Variants in ADAMTS12 observed in about 807,000 individuals in gnomAD.
ADAMTS12 encodes ADAM metallopeptidase with thrombospondin type 1 motif 12.
ADAMTS12 carries 118 observed loss-of-function variants against 167.8 expected under a neutral mutation model. The ratio of observed to expected loss-of-function variants is 0.70; its 90% CI spans 0.61 to 0.82. The LOEUF is 0.82. Among genes scored for constraint, ADAMTS12 ranks in the 40% least tolerant of loss-of-function variants. The probability of loss-of-function intolerance (pLI) is 0.00; values close to 1 mark genes in which losing one functional copy is unlikely to be tolerated. For synonymous variants in ADAMTS12, 704 were observed against 716.9 expected (o/e 0.98, Z 0.29); for missense variants, 1,916 against 1,998.8 (o/e 0.96, Z 0.79).
intron 2 of ADAMTS12, among the ~76,000 whole-genome samples, chr5:33,880,707 T>G (rs543871594): frequency 6.6e-6 from 1 of 152,368 alleles, no homozygotes; most frequent in African/African-American, 2.4e-5. Flanking sequence ...AACTATTATA[T>G]CACAGCAGCT....
intron 2 of ADAMTS12, among the ~76,000 whole-genome samples, chr5:33,821,313 T>C (rs561016437): frequency 6.6e-5 from 10 of 152,204 alleles, no homozygotes; most frequent in Non-Finnish European, 1.5e-4. Flanking sequence ...TCAAATAATC[T>C]TCCCAAGTAC....
chr5:33,533,774 C>G (rs1411289084), intron 23 of ADAMTS12, among the ~76,000 whole-genome samples: 2 of 152,086 alleles, frequency 1.3e-5, no homozygotes. Flanking sequence ...TCACAGGACA[C>G]CCTTAACTAG....
intron 12 of ADAMTS12, among the ~76,000 whole-genome samples, chr5:33,636,428 G>A (rs1344015052): frequency 6.6e-6 from 1 of 152,082 alleles, no homozygotes; most frequent in Admixed American, 6.6e-5. Flanking sequence ...CCTGACTCAG[G>A]AAACTAAATT....
At chr5:33,888,122 T>C (rs1750703593) in intron 1 of ADAMTS12, 1 of 152,232 alleles carries the variant, frequency 6.6e-6, no homozygotes, top group Non-Finnish European at 1.5e-5. Context: ...ATCTTCTCTG[T>C]ATCGGTCCAA....
At chr5:33,678,416 G>A (rs1423366957) in intron 5 of ADAMTS12, among the ~76,000 whole-genome samples, 6 of 152,168 alleles carry the variant, frequency 3.9e-5, no homozygotes, top group East Asian at 1.9e-4. Flanking sequence ...AAACGGTATC[G>A]ATTAAATAGA....
intron 19 of ADAMTS12, among the ~76,000 whole-genome samples, chr5:33,566,148 A>G (rs1281879941): frequency 6.6e-6 from 1 of 152,176 alleles, no homozygotes; most frequent in African/African-American, 2.4e-5. Flanking sequence ...TGAATAGTCA[A>G]TGACAGTCAG....
chr5:33,849,366 A>AATATATATATATGTATTGCACAGCAAT (rs199640412), intron 2 of ADAMTS12, among the ~76,000 whole-genome samples: 1 of 115,728 alleles, frequency 8.6e-6, no homozygotes, highest in African/African-American at 5.1e-5. Flanking sequence ...ATTGAATAGC[A>AATATATATATATGTATTGCACAGCAAT]ATATATATAT....
At chr5:33,858,287 A>T (rs1173431880) in intron 2 of ADAMTS12, among the ~76,000 whole-genome samples, 1 of 152,242 alleles carries the variant, frequency 6.6e-6, no homozygotes, top group African/African-American at 2.4e-5. Flanking sequence ...TGAAATCAAA[A>T]TGTAACATAT....
At chr5:33,585,043 ATCC>A (rs1747269834) in intron 18 of ADAMTS12, among the ~76,000 whole-genome samples, 2 of 43,862 alleles carry the variant, frequency 4.6e-5, no homozygotes, top group Non-Finnish European at 1.1e-4. Context: ...CCATGTATCC[ATCC>A]ATCCATCCAT....
intron 5 of ADAMTS12, among the ~76,000 whole-genome samples, chr5:33,665,138 T>A (rs1198788768): frequency 6.6e-6 from 1 of 152,116 alleles, no homozygotes; most frequent in Non-Finnish European, 1.5e-5. Flanking sequence ...TTTGAAGACA[T>A]AAGTGAAATA....
intron 2 of ADAMTS12, among the ~76,000 whole-genome samples, chr5:33,779,826 T>C (rs1746054853): frequency 1.3e-5 from 2 of 152,122 alleles, no homozygotes; most frequent in Non-Finnish European, 2.9e-5. Flanking sequence ...ATGAGGGCCA[T>C]GAAGAGATGT....
At chr5:33,579,040 G>A (rs1036216546) in intron 18 of ADAMTS12, among the ~76,000 whole-genome samples, 1 of 152,198 alleles carries the variant, frequency 6.6e-6, no homozygotes, top group African/African-American at 2.4e-5. Context: ...CAACAGGGAG[G>A]AAACAGTCTC....
At chr5:33,889,013 G>A (rs1750747921) in intron 1 of ADAMTS12, among the ~76,000 whole-genome samples, 1 of 152,164 alleles carries the variant, frequency 6.6e-6, no homozygotes, top group Non-Finnish European at 1.5e-5. Context: ...AACCTAAAAG[G>A]TAATGTAGTG....
intron 2 of ADAMTS12, among the ~76,000 whole-genome samples, chr5:33,780,431 A>G (rs756555925): frequency 6.6e-6 from 1 of 152,202 alleles, no homozygotes; most frequent in Non-Finnish European, 1.5e-5. Context: ...TGATATTTTT[A>G]CAAAGAAACA....
At chr5:33,583,238 T>C (rs1003996134) in intron 18 of ADAMTS12, among the ~76,000 whole-genome samples, 6 of 152,218 alleles carry the variant, frequency 3.9e-5, no homozygotes, top group African/African-American at 1.4e-4. Context: ...AGTTAGAACA[T>C]GCAATGTTTC....
At chr5:33,656,846 C>T (rs952364181) in intron 7 of ADAMTS12, among the ~76,000 whole-genome samples, 12 of 152,146 alleles carry the variant, frequency 7.9e-5, no homozygotes, top group Non-Finnish European at 1.2e-4. Flanking sequence ...ACAACTATGG[C>T]CTAGCCTCAT....
intron 6 of ADAMTS12, among the ~76,000 whole-genome samples, chr5:33,658,840 C>T (rs1201151522): frequency 6.6e-6 from 1 of 152,188 alleles, no homozygotes; most frequent in Admixed American, 6.5e-5. Flanking sequence ...TATCCAGCCC[C>T]ATTCCACTAA....
chr5:33,858,480 G>A (rs916819141), intron 2 of ADAMTS12, among the ~76,000 whole-genome samples: 1 of 151,976 alleles, frequency 6.6e-6, no homozygotes, highest in Non-Finnish European at 1.5e-5. Flanking sequence ...AACATAGTGA[G>A]ACCCAATCTC....
At chr5:33,651,651 T>G (rs1222295610) in intron 7 of ADAMTS12, among the ~76,000 whole-genome samples, 2 of 152,196 alleles carry the variant, frequency 1.3e-5, no homozygotes, top group African/African-American at 4.8e-5. Context: ...TTTCTATTCT[T>G]TATTTTTATA....
Sources: allele counts gnomAD v4.1 joint callset (sites outside exome capture counted in the v4.1 genomes callset), GRCh38; gene constraint gnomAD v4.1.1; transcripts MANE v1.5; gene names NCBI Gene and HGNC (gene_info 2026-07-23, HGNC 2026-07-21).